The following RELN variants were observed in gnomAD, a reference collection of about 807,000 sequenced individuals.
RELN encodes reelin.
In RELN, 108 loss-of-function variants were observed where a neutral mutation model predicts 427.6. The observed-to-expected ratio is 0.25, with a 90% CI of 0.22 to 0.30. RELN has a LOEUF of 0.30. Ranked by LOEUF, RELN falls within the 10% of genes least tolerant of loss-of-function variation. The pLI is 1.00. For missense variants in RELN, 3,715 were observed against 4,302.8 expected, an observed-to-expected ratio of 0.86 and a Z score of 3.82; for synonymous variants, 1,524 against 1,513.4, an observed-to-expected ratio of 1.01 and a Z score of -0.16.
chr7:103,927,974 A>G (rs1385660287), intron 1 of RELN, among the ~76,000 whole-genome samples: 1 of 151,880 alleles, frequency 6.6e-6, no homozygotes, highest in Non-Finnish European at 1.5e-5. Flanking sequence ...GTAAATCTTA[A>G]TCTACCCTTA....
In RELN at chr7:103,503,016, T is replaced by C. The variant is rs754294386; in HGVS notation, c.8489A>G (p.Asn2830Ser). The C allele has an allele frequency of 1.9e-6, 3 of 1,612,788 alleles. No individual in the cohort carries two copies. ...GGCTTTGTTTTAGTTTTCTACTTAC[T>C]TTCCCACTAAGCTTTCAGGAAGTGG... ...TYPLPESLVG[N>S]PVRFRFYQKY... Residue 2830 changes from asparagine (N) to serine (S), a missense_variant and splice_region_variant, in exon 52 of 65, where the codon AAT becomes AGT. Asn to Ser is a conservative substitution (Grantham distance 46, BLOSUM62 1). Around this residue, in one of 4 missense-constraint regions of RELN, gnomAD observed 1,310 missense variants for 1,643.0 expected, o/e 0.80. Coordinates refer to ENST00000428762, the MANE Select transcript of RELN (RefSeq NM_005045.4).
Position 103,498,131 on chromosome 7 carries a change from C to T in RELN, c.8789G>A (p.Gly2930Glu). The change falls in exon 54 of 65, where the codon GGG (glycine) becomes GAG (glutamate). Residue 2930 changes from glycine (G) to glutamate (E), a missense_variant. Gly to Glu is a moderately conservative substitution (Grantham distance 98). Around this residue, in one of 4 missense-constraint regions of RELN, gnomAD observed 1,310 missense variants for 1,643.0 expected, o/e 0.80. Transcript: ENST00000428762. ...AACCGCTTGTCTCACAGTGGATCCC[C>T]CAAAATAGAGTGCAGTGTCCTCGGC... ...ILAEDTALYF[G>E]GSTVRQAVTQ... 1 of 1,614,100 alleles carries T rather than the reference C, an allele frequency of 6.2e-7. No individual in the cohort carries two copies. The highest frequency in any genetic ancestry group is 1.7e-5 in the Admixed American group (1 of 60,002).
chr7:103,526,898 T>TG (rs763382942), intron 46 of RELN, among the ~76,000 whole-genome samples: 3 of 152,144 alleles, frequency 2.0e-5, no homozygotes, highest in Admixed American at 1.3e-4. Context: ...TTCCCGGAGT[T>TG]GGGGGAAAAA....
chr7:103,883,200 A>C (rs1794646697), intron 2 of RELN, among the ~76,000 whole-genome samples: 1 of 152,246 alleles, frequency 6.6e-6, no homozygotes, highest in Non-Finnish European at 1.5e-5. Flanking sequence ...TGATTATCTC[A>C]ATAGGTGCAG....
chr7:103,807,190 A>T (rs1447220669), intron 3 of RELN, among the ~76,000 whole-genome samples: 1 of 152,168 alleles, frequency 6.6e-6, no homozygotes, highest in Non-Finnish European at 1.5e-5. Flanking sequence ...AGAATACAGT[A>T]AAGAATTTTT....
At chr7:103,702,381 A>G (rs1166986865) in intron 8 of RELN, among the ~76,000 whole-genome samples, 1 of 152,204 alleles carries the variant, frequency 6.6e-6, no homozygotes, top group Non-Finnish European at 1.5e-5. Flanking sequence ...ACACACCATA[A>G]CCACTTAAAA....
intron 51 of RELN, among the ~76,000 whole-genome samples, chr7:103,507,591 A>C (rs947192727): frequency 1.3e-5 from 2 of 152,236 alleles, no homozygotes; most frequent in African/African-American, 2.4e-5. Flanking sequence ...GAAAGATCTA[A>C]AACTGACACC....
intron 16 of RELN, among the ~76,000 whole-genome samples, chr7:103,649,389 T>G (rs921651068): frequency 6.6e-6 from 1 of 151,968 alleles, no homozygotes; most frequent in Admixed American, 6.6e-5. Context: ...TGTGTACACA[T>G]GGACATAGAC....
intron 8 of RELN, among the ~76,000 whole-genome samples, chr7:103,713,198 G>A (rs1789849137): frequency 6.6e-6 from 1 of 152,120 alleles, no homozygotes; most frequent in East Asian, 1.9e-4. Flanking sequence ...CCTTATTGAG[G>A]ATTCCTGCAG....
rs1227564565 is a variant in RELN at position 103,478,565 on chromosome 7, C to G, written c.10281-171G>C. On this transcript the variant is annotated intron_variant, in intron 63 of 64. Transcript: ENST00000428762. ...ATTAAAGAAGTTATTTCTTATTCTT[C>G]TATACCCAAGATCTACATATACTTT... The G allele has an allele frequency of 1.5e-5, 10 of 651,456 alleles. No individual in the cohort carries two copies. The Admixed American group carries it at 1.6e-4, about 10-fold the overall frequency. The allele number at this position is 651,456 out of a possible 1,614,324, so 40.4% of individuals were successfully genotyped here.
chr7:103,756,979 GT>G (rs796280217), intron 4 of RELN, among the ~76,000 whole-genome samples: 58 of 152,204 alleles, frequency 3.8e-4, no homozygotes, highest in African/African-American at 1.3e-3. Context: ...TATCAATCTA[GT>G]TTTATGTAGT....
In RELN at chr7:103,581,444, A is replaced by G. The variant is rs562067273; in HGVS notation, c.4146-5739T>C. Among the ~76,000 whole-genome samples, 241 of 152,190 alleles carry G rather than the reference A, an allele frequency of 1.6e-3. 2 individuals are homozygous for G. Among genetic ancestry groups the G allele is most frequent in the African/African-American group, 5.7e-3 (235 of 41,524 alleles). Reference sequence around the variant, plus strand: ...ATCAAGGACCCACATTCACATCTCAACCTGATGGAGATAATACAACCAGGG... The same window carrying G: ...ATCAAGGACCCACATTCACATCTCAGCCTGATGGAGATAATACAACCAGGG... On this transcript the variant is annotated intron_variant, in intron 28 of 64. Transcript: ENST00000428762.
At chr7:103,580,844 T>C (rs1831113889) in intron 28 of RELN, among the ~76,000 whole-genome samples, 1 of 152,218 alleles carries the variant, frequency 6.6e-6, no homozygotes. Flanking sequence ...AAGATTTGTA[T>C]TCCTTGGCTC....
intron 28 of RELN, among the ~76,000 whole-genome samples, chr7:103,582,099 T>C (rs1327039039): frequency 1.3e-5 from 2 of 152,234 alleles, no homozygotes; most frequent in Non-Finnish European, 2.9e-5. Context: ...TTTATCTGTT[T>C]ATCCCTGACT....
At chr7:103,508,683 G>A (rs542215838) in intron 51 of RELN, among the ~76,000 whole-genome samples, 28 of 152,274 alleles carry the variant, frequency 1.8e-4, no homozygotes, top group African/African-American at 6.5e-4. Flanking sequence ...GAAATAAAGG[G>A]TATTCAGTTA....
intron 2 of RELN, among the ~76,000 whole-genome samples, chr7:103,871,995 T>A (rs949446377): frequency 2.3e-4 from 34 of 149,942 alleles, no homozygotes; most frequent in Admixed American, 2.7e-4. Context: ...ATTACTTACA[T>A]TCTATCTACA....
rs563799190 is a variant in RELN at position 103,707,534 on chromosome 7, C to G, written c.806-6528G>C. Among the ~76,000 whole-genome samples, 1,091 of 149,808 alleles carry G rather than the reference C, an allele frequency of 7.3e-3. 21 individuals are homozygous for G. The highest frequency in any genetic ancestry group is 0.026 in the African/African-American group (1,041 of 40,234). ...TTTTTTTTTGAGATGGAGTCTCGCT[C>G]TGTCGCCAGGCTGGAGTGCAATGGC... On this transcript the variant is annotated intron_variant, in intron 8 of 64. Coordinates refer to ENST00000428762, the MANE Select transcript of RELN (RefSeq NM_005045.4).
Position 103,566,436 on chromosome 7 carries a change from G to T in RELN, c.4748-24C>A, listed in dbSNP as rs377068639. On this transcript the variant is annotated intron_variant, in intron 32 of 64. Transcript: ENST00000428762. ...CCCTGCAATCAGATGAATAAAGGTG[G>T]TTAGAGAAGTTTTGTTACATAGCAA... 5.6e-6 allele frequency: 9 copies of T among 1,611,136 alleles called. No homozygotes were observed. The African/African-American group carries it at 9.4e-5, about 17-fold the overall frequency.
chr7:103,566,898 T>C, intron 31 of RELN, 139 bp from the exon 32 acceptor site: 2 of 801,428 alleles, frequency 2.5e-6, no homozygotes, highest in East Asian at 2.6e-5. Flanking sequence ...TTCCAAGGAA[T>C]GAATTAGTGG....
Sources: allele counts gnomAD v4.1 joint callset (sites outside exome capture counted in the v4.1 genomes callset), GRCh38; gene constraint gnomAD v4.1.1; regional missense constraint gnomAD v4.1.1; transcripts MANE v1.5; gene names NCBI Gene and HGNC (gene_info 2026-07-23, HGNC 2026-07-21).